ZNF8: variants seen among roughly 807,000 people sequenced by gnomAD.
ZNF8 encodes the protein zinc finger protein 272.
Under a neutral mutation model 12.2 loss-of-function variants are expected in ZNF8, and 9 were observed. The ratio of observed to expected loss-of-function variants is 0.73; its 90% CI spans 0.44 to 1.28. The LOEUF (loss-of-function observed/expected upper bound fraction) is 1.28, where lower values mean the gene tolerates loss of function less well. ZNF8 is among the 50% of genes most tolerant of loss of function. The pLI is 0.00. For synonymous variants in ZNF8, 274 were observed against 282.3 expected, an observed-to-expected ratio of 0.97 and a Z score of 0.30; for missense variants, 664 against 729.1, an observed-to-expected ratio of 0.91 and a Z score of 1.03.
At chr19:58,285,461 C>T (rs1013529160) in intron 1 of ZNF8, among the ~76,000 whole-genome samples, 3 of 152,204 alleles carry the variant, frequency 2.0e-5, no homozygotes, top group African/African-American at 4.8e-5. Flanking sequence ...CTGGTACCCT[C>T]GTCTGTCTTG....
At chr19:58,284,908 A>G (rs910132554) in intron 1 of ZNF8, among the ~76,000 whole-genome samples, 2 of 152,148 alleles carry the variant, frequency 1.3e-5, no homozygotes, top group African/African-American at 4.8e-5. Flanking sequence ...CTCTTCAGAG[A>G]TGAGCAGTTC....
At chr19:58,279,410 A>G (rs1342007618) in intron 1 of ZNF8, 11 of 1,444,092 alleles carry the variant, frequency 7.6e-6, no homozygotes, top group Admixed American at 2.6e-5. Flanking sequence ...GTCATTCCCG[A>G]GAGAATCGAG....
At chr19:58,280,226 G>A in intron 1 of ZNF8, 1 of 242,516 alleles carries the variant, frequency 4.1e-6, no homozygotes, top group Non-Finnish European at 8.2e-6. Flanking sequence ...GAAGATGTCA[G>A]CATAGCTGTT....
At chr19:58,282,211 A>T (rs2051354647) in intron 1 of ZNF8, among the ~76,000 whole-genome samples, 1 of 152,140 alleles carries the variant, frequency 6.6e-6, no homozygotes, top group Non-Finnish European at 1.5e-5. Context: ...TTGATTTTTC[A>T]TTTCCCTGAT....
chr19:58,294,386 A>G lies in ZNF8; in HGVS notation c.578A>G (p.Glu193Gly). 6.2e-7 allele frequency: 1 copy of G among 1,614,134 alleles called. No individual in the cohort carries two copies. Among genetic ancestry groups the G allele is most frequent in the South Asian group, 1.1e-5 (1 of 91,088 alleles). ...AGTTCAAGCCCAAATCCATTCCCAGAGATCTCTAGAGGGGAGTATTTGTAT... is the reference window on the plus strand; with the variant it reads ...AGTTCAAGCCCAAATCCATTCCCAGGGATCTCTAGAGGGGAGTATTTGTAT... ...VLSSSPNPFP[E>G]ISRGEYLYTY... Residue 193 changes from glutamate to glycine, a missense_variant, in exon 4 of 4, where the codon GAG becomes GGG. Physicochemically the swap from Glu to Gly is moderately conservative, Grantham distance 98 (BLOSUM62 -2). Coordinates refer to ENST00000621650, the MANE Select transcript of ZNF8 (RefSeq NM_021089.3). The surrounding 1 kb of genome is among the most constrained non-coding windows in gnomAD (Gnocchi z 5.5).
chr19:58,301,476 C>T lies in ZNF8; in HGVS notation c.*5940C>T, dbSNP rs374763391. The T allele has an allele frequency of 6.6e-6, 1 of 152,312 alleles. No homozygotes were observed. Among genetic ancestry groups the T allele is most frequent in the Non-Finnish European group, 1.5e-5 (1 of 68,098 alleles). 9.4% of individuals were successfully genotyped at this position (152,312 alleles called of 1,614,324 possible). A position where few individuals can be genotyped will look rare whatever the true frequency, so the allele number is the denominator to read the frequency against. On this transcript the variant is annotated 3_prime_UTR_variant, in exon 4 of 4. Coordinates refer to ENST00000621650, the MANE Select transcript of ZNF8 (RefSeq NM_021089.3). ...CAAAACCCTATTCTGGATCATTCCT[C>T]CTTTCTGCTCCACCAGCAGTTTGGG...
chr19:58,285,980 C>A, intron 2 of ZNF8, 130 bp from the exon 3 acceptor site: 2 of 1,401,880 alleles, frequency 1.4e-6, no homozygotes, highest in South Asian at 1.3e-5. Context: ...CCTTTTCCAT[C>A]ACCATGCAGA....
intron 3 of ZNF8, among the ~76,000 whole-genome samples, chr19:58,288,048 T>A (rs1197631775): frequency 6.9e-6 from 1 of 144,338 alleles, no homozygotes; most frequent in Non-Finnish European, 1.5e-5. Flanking sequence ...TTAATAGAGA[T>A]GAGATCTTTC....
At chr19:58,289,111 T>C (rs2051401866) in intron 3 of ZNF8, among the ~76,000 whole-genome samples, 1 of 152,208 alleles carries the variant, frequency 6.6e-6, no homozygotes, top group African/African-American at 2.4e-5. Flanking sequence ...CAAGGCTTTA[T>C]GTTAAGACAG....
chr19:58,281,382 CAA>C (rs765736889), intron 1 of ZNF8, among the ~76,000 whole-genome samples: 4 of 152,092 alleles, frequency 2.6e-5, no homozygotes, highest in Non-Finnish European at 5.9e-5. Flanking sequence ...AAGTGCAAGA[CAA>C]GAGGGAAGGC....
intron 1 of ZNF8, chr19:58,279,348 C>T: frequency 1.4e-6 from 2 of 1,464,074 alleles, no homozygotes; most frequent in East Asian, 2.5e-5. Context: ...AGGCGCCTGG[C>T]CCCCGAATGC....
intron 1 of ZNF8, 70 bp from the exon 2 acceptor site, chr19:58,285,647 C>T: frequency 6.2e-7 from 1 of 1,611,678 alleles, no homozygotes; most frequent in Non-Finnish European, 8.5e-7. Flanking sequence ...TTCTCCTTTT[C>T]CATTCTTCCT....
Position 58,294,191 on chromosome 19 carries a change from C to G in ZNF8, c.383C>G (p.Pro128Arg). 3.7e-6 allele frequency: 6 copies of G among 1,614,102 alleles called. No homozygotes were observed. Among genetic ancestry groups the G allele is most frequent in the Non-Finnish European group, 5.1e-6 (6 of 1,179,992 alleles). The change falls in exon 4 of 4, where the codon CCG (proline) becomes CGG (arginine). Residue 128 changes from proline to arginine, a missense_variant. Pro to Arg is a moderately radical substitution (Grantham distance 103). Transcript: ENST00000621650. This position sits in a 1 kb window ranked among gnomAD's most constrained non-coding sequence, Gnocchi z 5.5. ...CATGTCACGGGAAGGGAAGGATTCC[C>G]GACAGATGCTCCTTATCCCACCACG... ...PSHVTGREGF[P>R]TDAPYPTTLG...
chr19:58,301,122 C>A lies in ZNF8; in HGVS notation c.*5586C>A, dbSNP rs949823027. The A allele has an allele frequency of 6.6e-6, 1 of 152,252 alleles. No individual in the cohort carries two copies. The highest frequency in any genetic ancestry group is 2.4e-5 in the African/African-American group (1 of 41,430). The allele number at this position is 152,252 out of a possible 1,614,324, so 9.4% of individuals were successfully genotyped here. A position where few individuals can be genotyped will look rare whatever the true frequency, so the allele number is the denominator to read the frequency against. On this transcript the variant is annotated 3_prime_UTR_variant, in exon 4 of 4. Coordinates refer to ENST00000621650, the MANE Select transcript of ZNF8 (RefSeq NM_021089.3). Reference sequence around the variant, plus strand: ...CAAACAACTGCTGTGTGCTACTGGGCAACTCCCCGAGGTGTGCCGAAAGCT... The same window carrying A: ...CAAACAACTGCTGTGTGCTACTGGGAAACTCCCCGAGGTGTGCCGAAAGCT...
At position 58,301,105 on chromosome 19, in the gene ZNF8, TG is replaced by T. The variant is rs1331561891; in HGVS notation, c.*5570del. On this transcript the variant is annotated 3_prime_UTR_variant, in exon 4 of 4. Transcript: ENST00000621650. ...GATTTGGGCTTCAGACCCAAACAAC[TG>T]CTGTGTGCTACTGGGCAACTCCCCG... The T allele has an allele frequency of 4.6e-5, 7 of 152,282 alleles. No individual in the cohort carries two copies. The highest frequency in any genetic ancestry group is 1.7e-4 in the African/African-American group (7 of 41,526). The allele number at this position is 152,282 out of a possible 1,614,324, so 9.4% of individuals were successfully genotyped here.
chr19:58,301,549 G>A lies in ZNF8; in HGVS notation c.*6013G>A, dbSNP rs2051491552. 1 of 152,316 alleles carries A rather than the reference G, an allele frequency of 6.6e-6. No homozygotes were observed. Among genetic ancestry groups the A allele is most frequent in the Non-Finnish European group, 1.5e-5 (1 of 68,120 alleles). The allele number at this position is 152,316 out of a possible 1,614,324, so 9.4% of individuals were successfully genotyped here. On this transcript the variant is annotated 3_prime_UTR_variant, in exon 4 of 4. Transcript: ENST00000621650. ...AGGAAAGCTCCTCCCCTCTGAAGCA[G>A]TGGGACCAAAAATGACAGCATGGTT...
chr19:58,285,439 G>C (rs8105044), intron 1 of ZNF8, among the ~76,000 whole-genome samples: 46,203 of 152,078 alleles, frequency 0.3, 8,251 homozygotes, highest in Middle Eastern at 0.45. Context: ...AAGTGGTTTA[G>C]GCCAGTCTCT....
intron 1 of ZNF8, among the ~76,000 whole-genome samples, chr19:58,284,456 C>G (rs1032946139): frequency 1.3e-5 from 2 of 152,234 alleles, no homozygotes; most frequent in Admixed American, 1.3e-4. Flanking sequence ...AGCCAAGACT[C>G]TGATCCAGAA....
At chr19:58,290,665 G>A (rs1172132523) in intron 3 of ZNF8, among the ~76,000 whole-genome samples, 4 of 152,188 alleles carry the variant, frequency 2.6e-5, no homozygotes, top group Non-Finnish European at 1.5e-5. Flanking sequence ...GAGGCTGAGC[G>A]GGGAGGATTG....
Sources: gnomAD v4.1 joint callset for allele counts (sites outside exome capture counted in the v4.1 genomes callset) on GRCh38, gnomAD v4.1.1 for gene constraint, Gnocchi (gnomAD v3.1) non-coding constraint, MANE v1.5 for transcripts, NCBI Gene and HGNC (gene_info 2026-07-23, HGNC 2026-07-21) for gene names.